Variants in HPSE2 observed in about 807,000 individuals in gnomAD.
The protein encoded by HPSE2 is inactive heparanase-2.
Under a neutral mutation model 60.5 loss-of-function variants are expected in HPSE2, and 38 were observed. The ratio of observed to expected loss-of-function variants is 0.63; its 90% confidence interval spans 0.48 to 0.82. The LOEUF (loss-of-function observed/expected upper bound fraction) is 0.82. Ranked by LOEUF, HPSE2 falls within the 40% of genes least tolerant of loss-of-function variation. The probability of loss-of-function intolerance (pLI) is 0.00; values close to 1 mark genes in which losing one functional copy is unlikely to be tolerated. For missense variants in HPSE2, 713 were observed against 740.4 expected, an observed-to-expected ratio of 0.96 and a Z score of 0.43; for synonymous variants, 295 against 293.2, an observed-to-expected ratio of 1.01 and a Z score of -0.06.
intron 3 of HPSE2, among the ~76,000 whole-genome samples, chr10:98,821,369 T>A (rs1589884227): frequency 1.3e-5 from 2 of 152,292 alleles, no homozygotes; most frequent in East Asian, 3.9e-4. Context: ...CTAAATACTG[T>A]AGGTAATTAT....
intron 7 of HPSE2, among the ~76,000 whole-genome samples, chr10:98,626,111 AAAAAAAGAAAAAG>A (rs961604684): frequency 5.1e-5 from 7 of 137,960 alleles, no homozygotes; most frequent in East Asian, 2.2e-4. Flanking sequence ...GTCTCAAAAA[AAAAAAAGAAAAAG>A]AAAAAAGAAA....
At chr10:98,823,439 C>T (rs570360004) in intron 3 of HPSE2, among the ~76,000 whole-genome samples, 2 of 151,960 alleles carry the variant, frequency 1.3e-5, no homozygotes, top group Non-Finnish European at 2.9e-5. Flanking sequence ...GGCAATATAG[C>T]GAGATCCAAT....
At chr10:99,093,728 T>A (rs1168628229) in intron 3 of HPSE2, among the ~76,000 whole-genome samples, 2 of 152,216 alleles carry the variant, frequency 1.3e-5, no homozygotes, top group African/African-American at 2.4e-5. Context: ...CCATTAAGCA[T>A]CACTTCCCAA....
chr10:98,627,904 G>A (rs1245393081), intron 7 of HPSE2, among the ~76,000 whole-genome samples: 2 of 152,204 alleles, frequency 1.3e-5, no homozygotes, highest in African/African-American at 2.4e-5. Flanking sequence ...GGAAAGGCCA[G>A]TTTAGAATTT....
At chr10:98,518,739 C>G (rs546075755) in intron 9 of HPSE2, among the ~76,000 whole-genome samples, 1 of 151,332 alleles carries the variant, frequency 6.6e-6, no homozygotes, top group Non-Finnish European at 1.5e-5. Flanking sequence ...GATACTTTAG[C>G]CTATCTCATC....
intron 6 of HPSE2, among the ~76,000 whole-genome samples, chr10:98,673,660 T>C (rs1214097499): frequency 2.0e-5 from 3 of 152,210 alleles, no homozygotes; most frequent in African/African-American, 7.2e-5. Context: ...TCTGGGTAAA[T>C]GCTTTCAAAG....
At chr10:98,684,318 T>TGGTTA (rs1427705141) in intron 6 of HPSE2, among the ~76,000 whole-genome samples, 1 of 152,132 alleles carries the variant, frequency 6.6e-6, no homozygotes, top group East Asian at 1.9e-4. Context: ...ATGAAACTGA[T>TGGTTA]GGTTACCTGA....
intron 9 of HPSE2, among the ~76,000 whole-genome samples, chr10:98,501,003 T>C (rs1439236426): frequency 6.6e-6 from 1 of 151,922 alleles, no homozygotes; most frequent in African/African-American, 2.4e-5. Context: ...AGGAAGAATT[T>C]GATACCCTGA....
chr10:98,514,863 C>T lies in HPSE2; in HGVS notation c.1321-24667G>A, dbSNP rs182340649. 9.8e-4 allele frequency among the ~76,000 whole-genome samples: 149 copies of T among 151,780 alleles called. 1 individual carries two copies. Among genetic ancestry groups the T allele is most frequent in the Non-Finnish European group, 1.2e-3 (81 of 67,890 alleles). ...CCTCCCAAGTAGCTGGGATTACAGG[C>T]ACCCACCACCACACCCGGCTATTTT... On this transcript the variant is annotated intron_variant, in intron 9 of 11. Coordinates refer to ENST00000370552, the MANE Select transcript of HPSE2 (RefSeq NM_021828.5).
At chr10:98,930,781 T>C (rs1258866332) in intron 3 of HPSE2, among the ~76,000 whole-genome samples, 1 of 144,752 alleles carries the variant, frequency 6.9e-6, no homozygotes, top group Non-Finnish European at 1.5e-5. Context: ...TTTTGAGAAG[T>C]GTCTGTTCAT....
chr10:99,230,688 A>G (rs1849615318), intron 2 of HPSE2, among the ~76,000 whole-genome samples: 1 of 152,164 alleles, frequency 6.6e-6, no homozygotes, highest in Non-Finnish European at 1.5e-5. Flanking sequence ...AATCCTAGGT[A>G]CAAAGTTGGG....
intron 2 of HPSE2, among the ~76,000 whole-genome samples, chr10:99,209,778 C>G (rs185720922): frequency 1.3e-5 from 2 of 152,326 alleles, no homozygotes; most frequent in East Asian, 3.9e-4. Context: ...CAACCTCCGC[C>G]TCCCGGGTTC....
the HPSE2 span, among the ~76,000 whole-genome samples, chr10:99,298,172 G>C: frequency 6.6e-6 from 1 of 152,092 alleles, no homozygotes; most frequent in African/African-American, 2.4e-5. Context: ...TCTCCACCTA[G>C]GCAACGCTGT....
intron 3 of HPSE2, among the ~76,000 whole-genome samples, chr10:98,842,516 C>A (rs1589928510): frequency 7.1e-6 from 1 of 141,026 alleles, no homozygotes. Flanking sequence ...TTTACTAGTT[C>A]TTCTTTTTTG....
intron 3 of HPSE2, among the ~76,000 whole-genome samples, chr10:98,749,359 T>C (rs1949700175): frequency 6.6e-6 from 1 of 151,826 alleles, no homozygotes; most frequent in South Asian, 2.1e-4. Flanking sequence ...TATACACATA[T>C]GCATGCATAT....
chr10:98,966,978 T>C (rs1955829143), intron 3 of HPSE2, among the ~76,000 whole-genome samples: 1 of 152,128 alleles, frequency 6.6e-6, no homozygotes. Context: ...CGGGCTAAGG[T>C]AAAAAGTTAG....
intron 3 of HPSE2, among the ~76,000 whole-genome samples, chr10:99,034,518 A>T (rs890178988): frequency 6.6e-6 from 1 of 152,192 alleles, no homozygotes; most frequent in Non-Finnish European, 1.5e-5. Flanking sequence ...CCACAATGTC[A>T]GAGGAAGATG....
intron 9 of HPSE2, among the ~76,000 whole-genome samples, chr10:98,581,281 A>G (rs1163641466): frequency 6.6e-6 from 1 of 152,154 alleles, no homozygotes; most frequent in Non-Finnish European, 1.5e-5. Context: ...GGGTGTCCCA[A>G]GAGCTCAACA....
chr10:98,964,382 T>A (rs1413161687), intron 3 of HPSE2, among the ~76,000 whole-genome samples: 1 of 152,156 alleles, frequency 6.6e-6, no homozygotes, highest in African/African-American at 2.4e-5. Flanking sequence ...TGACATTAAT[T>A]TACCTAGCTA....
Sources: allele counts gnomAD v4.1 joint callset (sites outside exome capture counted in the v4.1 genomes callset), GRCh38; gene constraint gnomAD v4.1.1; transcripts MANE v1.5; gene names NCBI Gene and HGNC (gene_info 2026-07-23, HGNC 2026-07-21).